SGK1: variants seen among roughly 807,000 people sequenced by gnomAD.
SGK1 encodes the protein serum/glucocorticoid regulated kinase 1, also known as serine/threonine-protein kinase Sgk1.
Under a neutral mutation model 64.2 loss-of-function variants are expected in SGK1, and 26 were observed. The ratio of observed to expected loss-of-function variants is 0.40; its 90% CI spans 0.30 to 0.56. SGK1 has a LOEUF of 0.56. Ranked by LOEUF, SGK1 falls within the 20% of genes least tolerant of loss-of-function variation. The pLI is 0.38. For missense variants in SGK1, 519 were observed against 645.6 expected (o/e 0.80, Z 2.12); for synonymous variants, 265 against 239.7 (o/e 1.11, Z -0.98).
chr6:134,211,579 G>A (rs1775890345), intron 2 of SGK1: 1 of 152,166 alleles, frequency 6.6e-6, no homozygotes, highest in Non-Finnish European at 1.5e-5. Flanking sequence ...GTAAGAGGTA[G>A]ACTTCATTAC....
intron 2 of SGK1, among the ~76,000 whole-genome samples, chr6:134,242,037 A>G (rs146645678): frequency 1.4e-4 from 22 of 152,298 alleles, no homozygotes; most frequent in African/African-American, 4.8e-4. Flanking sequence ...GAGGAAAGGG[A>G]GAGAAGGGAT....
At chr6:134,308,846 C>G (rs1157163595) in intron 1 of SGK1, among the ~76,000 whole-genome samples, 1 of 152,142 alleles carries the variant, frequency 6.6e-6, no homozygotes, top group African/African-American at 2.4e-5. Context: ...CGTTTGCTAC[C>G]GTGCCCGGCA....
chr6:134,251,052 C>T (rs1776599018), intron 2 of SGK1, among the ~76,000 whole-genome samples: 1 of 152,150 alleles, frequency 6.6e-6, no homozygotes, highest in Non-Finnish European at 1.5e-5. Context: ...TCTGGGATTA[C>T]AGGTGTGAGC....
chr6:134,200,097 T>C (rs886503693), intron 3 of SGK1, among the ~76,000 whole-genome samples: 6 of 152,164 alleles, frequency 3.9e-5, no homozygotes, highest in Non-Finnish European at 5.9e-5. Context: ...GGACCAGCGA[T>C]TGAAAAACAA....
intron 2 of SGK1, among the ~76,000 whole-genome samples, chr6:134,242,656 G>T (rs1387311498): frequency 1.3e-5 from 2 of 150,756 alleles, no homozygotes; most frequent in Non-Finnish European, 3.0e-5. Flanking sequence ...TTAGAAATGG[G>T]GTCTTGCTAT....
intron 1 of SGK1, among the ~76,000 whole-genome samples, chr6:134,303,325 G>C (rs1045514580): frequency 1.3e-5 from 2 of 151,980 alleles, no homozygotes; most frequent in Non-Finnish European, 2.9e-5. Flanking sequence ...CTGGGAGGCG[G>C]AGCTTGCAGT....
intron 2 of SGK1, among the ~76,000 whole-genome samples, chr6:134,254,116 T>A (rs985745312): frequency 2.1e-5 from 3 of 141,940 alleles, no homozygotes; most frequent in Non-Finnish European, 4.5e-5. Context: ...AGTCTCTCCT[T>A]TTTTTTTTTT....
At chr6:134,175,553 T>C in intron 3 of SGK1, 1 of 1,539,560 alleles carries the variant, frequency 6.5e-7, no homozygotes, top group Non-Finnish European at 8.8e-7. Flanking sequence ...CCCAGTCCGC[T>C]CAGCAGGAAG....
intron 2 of SGK1, among the ~76,000 whole-genome samples, chr6:134,212,111 T>C (rs963776879): frequency 6.6e-6 from 1 of 151,688 alleles, no homozygotes; most frequent in Non-Finnish European, 1.5e-5. Flanking sequence ...TGGAGTGCAG[T>C]GGTGCGATCT....
intron 1 of SGK1, chr6:134,297,675 G>A (rs998809305): frequency 1.4e-5 from 6 of 431,658 alleles, no homozygotes; most frequent in African/African-American, 1.2e-4. Context: ...GCTAATTTTT[G>A]TATTTTTAGT....
At chr6:134,170,795 C>T in intron 13 of SGK1, 31 bp downstream of exon 13, 1 of 1,409,164 alleles carries the variant, frequency 7.1e-7, no homozygotes, top group Non-Finnish European at 1.0e-6. Context: ...CTTTGGGCTT[C>T]TCTATACTTA....
At chr6:134,279,225 A>C (rs1385309244) in intron 1 of SGK1, among the ~76,000 whole-genome samples, 2 of 152,108 alleles carry the variant, frequency 1.3e-5, no homozygotes, top group African/African-American at 4.8e-5. Context: ...TGAGGTCAGG[A>C]GTTCAAGACT....
chr6:134,297,631 T>C, intron 1 of SGK1: 1 of 443,342 alleles, frequency 2.3e-6, no homozygotes, highest in Non-Finnish European at 4.3e-6. Context: ...GTCTCCTGAG[T>C]AGCTGCAATT....
rs768473351 is a variant in SGK1 at position 134,177,737 on chromosome 6, C to G, written c.362-3151G>C. 18 of 1,614,000 alleles carry G rather than the reference C, an allele frequency of 1.1e-5. 1 individual carries two copies. In the South Asian group the frequency reaches 2.0e-4, roughly 18 times the overall value. On this transcript the variant is annotated intron_variant, in intron 3 of 13. Coordinates refer to ENST00000367858, the MANE Select transcript of SGK1 (RefSeq NM_001143676.3). ...AGGATATGCAGGTTGGGGATTACTT[C>G]TGGAGGCTGGAGGTAGAGCCCAGTT...
intron 2 of SGK1, among the ~76,000 whole-genome samples, chr6:134,210,279 T>C (rs1384786468): frequency 2.0e-5 from 3 of 152,206 alleles, no homozygotes; most frequent in African/African-American, 7.2e-5. Context: ...GAAGATGTTA[T>C]GCTAAGTGAA....
At chr6:134,303,985 A>T (rs192345756) in intron 1 of SGK1, among the ~76,000 whole-genome samples, 3 of 152,326 alleles carry the variant, frequency 2.0e-5, no homozygotes, top group Admixed American at 2.0e-4. Context: ...CGGCCTTATG[A>T]GATCGTCAGC....
At chr6:134,217,794 G>A (rs1253010212) in intron 2 of SGK1, among the ~76,000 whole-genome samples, 2 of 152,160 alleles carry the variant, frequency 1.3e-5, no homozygotes, top group Admixed American at 1.3e-4. Context: ...ATGAGGCCTA[G>A]GAACAATACT....
intron 1 of SGK1, among the ~76,000 whole-genome samples, chr6:134,295,833 A>C (rs1238574348): frequency 1.3e-5 from 2 of 152,240 alleles, no homozygotes; most frequent in Non-Finnish European, 2.9e-5. Context: ...GGTAAGGTTC[A>C]AGGTGGCCTG....
intron 2 of SGK1, among the ~76,000 whole-genome samples, chr6:134,244,898 CCT>C (rs1776502895): frequency 6.6e-6 from 1 of 152,206 alleles, no homozygotes. Context: ...GCCTCAGCCC[CCT>C]GAGTGGCTAG....
Sources: gnomAD v4.1 joint callset for allele counts (sites outside exome capture counted in the v4.1 genomes callset) on GRCh38, gnomAD v4.1.1 for gene constraint, MANE v1.5 for transcripts, NCBI Gene and HGNC (gene_info 2026-07-23, HGNC 2026-07-21) for gene names.